Variants in SLC39A11 observed in about 807,000 individuals in gnomAD.
SLC39A11 encodes the protein solute carrier family 39 member 11.
In SLC39A11, 33 loss-of-function variants were observed where a neutral mutation model predicts 36.1. The observed-to-expected ratio is 0.91, with a 90% confidence interval of 0.69 to 1.22. SLC39A11 has a LOEUF of 1.22. SLC39A11 is among the 50% of genes most tolerant of loss of function. SLC39A11 has a pLI of 0.00. For missense variants in SLC39A11, 432 were observed against 430.3 expected (o/e 1.00, Z -0.03); for synonymous variants, 166 against 170.3 (o/e 0.97, Z 0.20).
At chr17:72,959,667 G>C (rs149998252) in intron 4 of SLC39A11, among the ~76,000 whole-genome samples, 329 of 151,912 alleles carry the variant, frequency 2.2e-3, no homozygotes, top group African/African-American at 6.6e-3. Context: ...CACCACTAAA[G>C]AACTTACTCA....
At chr17:72,970,307 T>C (rs991231886) in intron 4 of SLC39A11, among the ~76,000 whole-genome samples, 1 of 152,208 alleles carries the variant, frequency 6.6e-6, no homozygotes, top group African/African-American at 2.4e-5. Flanking sequence ...CTGCTTCTCA[T>C]GGTCACAACT....
chr17:72,895,772 A>C (rs1446105613), intron 5 of SLC39A11, among the ~76,000 whole-genome samples: 1 of 152,202 alleles, frequency 6.6e-6, no homozygotes, highest in African/African-American at 2.4e-5. Context: ...GTTCAAGGAA[A>C]GAAAATTCCA....
intron 5 of SLC39A11, among the ~76,000 whole-genome samples, chr17:72,883,443 G>A (rs1041309053): frequency 6.6e-6 from 1 of 151,792 alleles, no homozygotes; most frequent in African/African-American, 2.4e-5. Context: ...TACCTCCTGG[G>A]TAGTATTTAC....
chr17:73,002,789 A>G (rs2089894021), intron 4 of SLC39A11, among the ~76,000 whole-genome samples: 1 of 152,182 alleles, frequency 6.6e-6, no homozygotes, highest in South Asian at 2.1e-4. Flanking sequence ...ACTGAAATCA[A>G]TGTGTCAGCA....
At chr17:73,030,818 G>C (rs879935601) in intron 4 of SLC39A11, among the ~76,000 whole-genome samples, 8 of 152,162 alleles carry the variant, frequency 5.3e-5, no homozygotes, top group African/African-American at 1.7e-4. Context: ...GCATGACCTG[G>C]CCCCAGCTCT....
At chr17:72,949,974 C>G (rs947367835) in intron 4 of SLC39A11, among the ~76,000 whole-genome samples, 2 of 150,686 alleles carry the variant, frequency 1.3e-5, no homozygotes, top group African/African-American at 2.4e-5. Flanking sequence ...CACACACACA[C>G]ACACACACAC....
chr17:72,679,499 C>T (rs1398579847), intron 7 of SLC39A11, among the ~76,000 whole-genome samples: 1 of 152,176 alleles, frequency 6.6e-6, no homozygotes, highest in Non-Finnish European at 1.5e-5. Context: ...CCCCAGGGAA[C>T]CTGTTCTGCA....
chr17:72,736,204 A>G (rs1359994963), intron 7 of SLC39A11, among the ~76,000 whole-genome samples: 3 of 152,138 alleles, frequency 2.0e-5, no homozygotes, highest in Non-Finnish European at 4.4e-5. Context: ...TCTTAAGAAC[A>G]GGCCATAGGA....
At chr17:72,690,650 G>A (rs752121482) in intron 7 of SLC39A11, among the ~76,000 whole-genome samples, 1 of 152,230 alleles carries the variant, frequency 6.6e-6, no homozygotes, top group Non-Finnish European at 1.5e-5. Flanking sequence ...TCCTTCTTGT[G>A]TTATAATGCC....
chr17:72,795,407 C>G (rs2076864592), intron 6 of SLC39A11, among the ~76,000 whole-genome samples: 1 of 152,022 alleles, frequency 6.6e-6, no homozygotes, highest in African/African-American at 2.4e-5. Flanking sequence ...TGGCTTCCCA[C>G]AGAGCAAGAC....
chr17:72,818,999 A>G (rs1337033400), intron 6 of SLC39A11: 1 of 152,154 alleles, frequency 6.6e-6, no homozygotes, highest in Non-Finnish European at 1.5e-5. Flanking sequence ...TTTTTAAAAA[A>G]AAGCAGGTAA....
At chr17:73,005,994 CA>C (rs1215324031) in intron 4 of SLC39A11, among the ~76,000 whole-genome samples, 1 of 151,868 alleles carries the variant, frequency 6.6e-6, no homozygotes, top group East Asian at 1.9e-4. Flanking sequence ...ATAAAATTAT[CA>C]TTAGCACCTA....
At chr17:72,857,660 T>G (rs1157467905) in intron 5 of SLC39A11, among the ~76,000 whole-genome samples, 1 of 152,236 alleles carries the variant, frequency 6.6e-6, no homozygotes, top group Non-Finnish European at 1.5e-5. Flanking sequence ...ATTCTTTGAC[T>G]TTTTAATAAT....
chr17:72,829,467 G>A (rs2078176822), intron 6 of SLC39A11, among the ~76,000 whole-genome samples: 1 of 152,138 alleles, frequency 6.6e-6, no homozygotes. Flanking sequence ...TAGCTATGGA[G>A]AATGAGGGAC....
intron 5 of SLC39A11, among the ~76,000 whole-genome samples, chr17:72,855,875 C>T (rs373651179): frequency 2.2e-3 from 330 of 150,136 alleles, no homozygotes; most frequent in East Asian, 8.4e-3. Context: ...CCAGCCTGGG[C>T]GACAAAGCGA....
intron 3 of SLC39A11, among the ~76,000 whole-genome samples, chr17:73,051,389 C>A (rs1303599249): frequency 6.6e-6 from 1 of 152,096 alleles, no homozygotes; most frequent in Non-Finnish European, 1.5e-5. Flanking sequence ...AGGTTCTGTG[C>A]AGACAGGAAT....
chr17:73,058,539 A>T (rs975855227), intron 3 of SLC39A11, among the ~76,000 whole-genome samples: 7 of 152,184 alleles, frequency 4.6e-5, no homozygotes, highest in Non-Finnish European at 7.3e-5. Context: ...CCTGGCCAAC[A>T]TGGCGAAACC....
chr17:72,701,434 A>G (rs928249104), intron 7 of SLC39A11, among the ~76,000 whole-genome samples: 1 of 152,214 alleles, frequency 6.6e-6, no homozygotes, highest in African/African-American at 2.4e-5. Context: ...TGCAGTTTAA[A>G]GAACAGAGAC....
At chr17:72,711,171 GCT>G (rs2073092380) in intron 7 of SLC39A11, among the ~76,000 whole-genome samples, 1 of 152,152 alleles carries the variant, frequency 6.6e-6, no homozygotes, top group Non-Finnish European at 1.5e-5. Context: ...GGCAGGCTCT[GCT>G]CATTATTCCC....
Sources: gnomAD v4.1 joint callset for allele counts (sites outside exome capture counted in the v4.1 genomes callset) on GRCh38, gnomAD v4.1.1 for gene constraint, MANE v1.5 for transcripts, NCBI Gene and HGNC (gene_info 2026-07-23, HGNC 2026-07-21) for gene names.